IPO11: variants seen among roughly 807,000 people sequenced by gnomAD.
The protein encoded by IPO11 is importin 11.
Under a neutral mutation model 143.2 loss-of-function variants are expected in IPO11, and 66 were observed. The ratio of observed to expected loss-of-function variants is 0.46; its 90% CI spans 0.38 to 0.57. The LOEUF (loss-of-function observed/expected upper bound fraction) is 0.57. Ranked by LOEUF, IPO11 falls within the 20% of genes least tolerant of loss-of-function variation. The pLI is 0.00. For missense variants in IPO11, 1,026 were observed against 1,141.0 expected, an observed-to-expected ratio of 0.90 and a Z score of 1.45; for synonymous variants, 385 against 377.8, an observed-to-expected ratio of 1.02 and a Z score of -0.22.
intron 27 of IPO11, among the ~76,000 whole-genome samples, chr5:62,568,574 C>CAACAAA (rs1744034379): frequency 1.9e-5 from 1 of 51,896 alleles, no homozygotes; most frequent in East Asian, 6.6e-4. Flanking sequence ...ACTCTGTCTC[C>CAACAAA]AAAAAAAAAA....
chr5:62,488,483 A>T (rs1257110888), intron 13 of IPO11, among the ~76,000 whole-genome samples: 1 of 152,220 alleles, frequency 6.6e-6, no homozygotes, highest in Non-Finnish European at 1.5e-5. Flanking sequence ...GTGATCAAAG[A>T]TGATCCTAAA....
chr5:62,487,631 C>CTTTT (rs5868310), intron 12 of IPO11, 140 bp from the exon 13 acceptor site: 2 of 738,870 alleles, frequency 2.7e-6, no homozygotes, highest in African/African-American at 1.9e-5. Flanking sequence ...GGTAACCTTA[C>CTTTT]TTTTTTTTTT....
intron 1 of IPO11, among the ~76,000 whole-genome samples, chr5:62,435,894 TG>T (rs1426616029): frequency 2.0e-5 from 3 of 151,986 alleles, no homozygotes; most frequent in African/African-American, 7.2e-5. Flanking sequence ...CTGGGCTTGG[TG>T]GTGTGCGCCT....
chr5:62,558,688 T>A (rs1743659972), intron 26 of IPO11, among the ~76,000 whole-genome samples: 1 of 152,194 alleles, frequency 6.6e-6, no homozygotes, highest in South Asian at 2.1e-4. Flanking sequence ...ACTATCAAAA[T>A]GAACAAAAAT....
chr5:62,497,140 G>C (rs566989550), intron 16 of IPO11, among the ~76,000 whole-genome samples: 5 of 152,280 alleles, frequency 3.3e-5, no homozygotes, highest in Admixed American at 3.3e-4. Context: ...TTGTCCATGT[G>C]CTATTCTTTT....
chr5:62,462,402 A>G (rs1745391118), intron 5 of IPO11, among the ~76,000 whole-genome samples: 1 of 151,994 alleles, frequency 6.6e-6, no homozygotes, highest in South Asian at 2.1e-4. Context: ...TTTTATGTTG[A>G]ATATGTCTAC....
At chr5:62,579,349 A>T (rs1744450497) in intron 27 of IPO11, 21 of 1,170,792 alleles carry the variant, frequency 1.8e-5, no homozygotes, top group Non-Finnish European at 2.6e-5. Context: ...TATAAAAAAA[A>T]TTCATTTGAT....
At chr5:62,529,428 G>A (rs147757169) in intron 21 of IPO11, among the ~76,000 whole-genome samples, 163 of 151,892 alleles carry the variant, frequency 1.1e-3, no homozygotes, top group African/African-American at 3.7e-3. Context: ...TTACTTGGTG[G>A]GGAATTCCAC....
chr5:62,509,422 G>A (rs1028860248), intron 19 of IPO11, among the ~76,000 whole-genome samples: 2 of 152,086 alleles, frequency 1.3e-5, no homozygotes, highest in Non-Finnish European at 2.9e-5. Context: ...GAATTTAAGT[G>A]GAGCTTTCCC....
rs571581322 is a variant in IPO11, at chr5:62,550,953, C to T, written c.2347-270C>T. ...GCCTGGGTGACAGAGTGAACTCCAT[C>T]TCAAAAAAAAAAAAAAAGTAATAAA... On this transcript the variant is annotated intron_variant, in intron 25 of 29. Coordinates refer to ENST00000325324, the MANE Select transcript of IPO11 (RefSeq NM_016338.5). 4.6e-3 allele frequency among the ~76,000 whole-genome samples: 630 copies of T among 137,854 alleles called. 8 individuals carry two copies. Among genetic ancestry groups the T allele is most frequent in the African/African-American group, 0.016 (606 of 36,728 alleles). The allele number at this position is 137,854 out of a possible 152,430, so 90.4% of individuals were successfully genotyped here.
intron 27 of IPO11, among the ~76,000 whole-genome samples, chr5:62,588,603 C>A (rs1744894184): frequency 6.6e-6 from 1 of 152,188 alleles, no homozygotes; most frequent in Non-Finnish European, 1.5e-5. Flanking sequence ...TAACCCCATT[C>A]TCTACCTGAC....
chr5:62,515,550 A>T, intron 20 of IPO11, 49 bp downstream of exon 20: 1 of 1,236,688 alleles, frequency 8.1e-7, no homozygotes, highest in Non-Finnish European at 1.1e-6. Flanking sequence ...TTTTTAAAAA[A>T]TTCTTTTAAC....
At chr5:62,413,617 G>C (rs1743195232) in intron 1 of IPO11, among the ~76,000 whole-genome samples, 1 of 152,146 alleles carries the variant, frequency 6.6e-6, no homozygotes, top group South Asian at 2.1e-4. Context: ...AAATAGCAAG[G>C]ACTGGTAAAT....
intron 29 of IPO11, among the ~76,000 whole-genome samples, chr5:62,607,158 T>C (rs1745750949): frequency 6.6e-6 from 1 of 152,218 alleles, no homozygotes; most frequent in African/African-American, 2.4e-5. Context: ...CCCTCCCTGC[T>C]TTCCCCTCCT....
chr5:62,502,835 C>CT (rs1330291377), intron 16 of IPO11, among the ~76,000 whole-genome samples: 2 of 150,346 alleles, frequency 1.3e-5, no homozygotes, highest in Admixed American at 1.3e-4. Context: ...TTCCTTTTTC[C>CT]TTTTTCCGAG....
intron 1 of IPO11, among the ~76,000 whole-genome samples, chr5:62,430,364 C>T (rs564057477): frequency 5.3e-5 from 8 of 152,250 alleles, no homozygotes; most frequent in Non-Finnish European, 1.0e-4. Context: ...CACCATTGAT[C>T]GGATCATTAT....
At chr5:62,626,036 CT>C (rs34571348) in intron 29 of IPO11, among the ~76,000 whole-genome samples, 2 of 149,360 alleles carry the variant, frequency 1.3e-5, no homozygotes, top group Non-Finnish European at 1.5e-5. Context: ...TCTTCTTTTT[CT>C]TTTTTTTTTC....
chr5:62,420,752 T>G (rs1325726060), intron 1 of IPO11, among the ~76,000 whole-genome samples: 1 of 152,076 alleles, frequency 6.6e-6, no homozygotes, highest in Non-Finnish European at 1.5e-5. Context: ...GCTAACTTTT[T>G]GTTTTTTTAG....
chr5:62,532,624 C>T (rs559880421), intron 22 of IPO11, among the ~76,000 whole-genome samples: 12 of 152,266 alleles, frequency 7.9e-5, no homozygotes, highest in African/African-American at 2.9e-4. Flanking sequence ...TCCTAATGTG[C>T]TGGGATTACA....
Sources: gnomAD v4.1 joint callset for allele counts (sites outside exome capture counted in the v4.1 genomes callset) on GRCh38, gnomAD v4.1.1 for gene constraint, MANE v1.5 for transcripts, NCBI Gene and HGNC (gene_info 2026-07-23, HGNC 2026-07-21) for gene names.